Variants in TRMT10B observed in about 807,000 individuals in gnomAD.
The protein encoded by TRMT10B is tRNA methyltransferase 10 homolog B.
A neutral mutation model predicts 43.8 loss-of-function variants in TRMT10B; 33 were observed. The ratio of observed to expected loss-of-function variants is 0.75; its 90% CI spans 0.57 to 1.01. The LOEUF (loss-of-function observed/expected upper bound fraction) is 1.01, where lower values mean the gene tolerates loss of function less well. Among genes scored for constraint, TRMT10B ranks in the 50% least tolerant of loss-of-function variants. The pLI is 0.00. For synonymous variants in TRMT10B, 137 were observed against 130.6 expected, an observed-to-expected ratio of 1.05 and a Z score of -0.34; for missense variants, 362 against 369.8, an observed-to-expected ratio of 0.98 and a Z score of 0.17.
Position 37,778,164 on chromosome 9 carries a change from T to C in TRMT10B, c.*457T>C, listed in dbSNP as rs907022341. ...CAATAATGTCAGGGACCACATTTAA[T>C]GCTTTTTAATCTCCCATAGTGCCTG... On this transcript the variant is annotated 3_prime_UTR_variant, in exon 9 of 9. Coordinates refer to ENST00000297994, the MANE Select transcript of TRMT10B (RefSeq NM_144964.4). The C allele has an allele frequency of 1.1e-4, 17 of 160,350 alleles. No individual in the cohort carries two copies. Among genetic ancestry groups the C allele is most frequent in the Admixed American group, 3.1e-4 (5 of 16,216 alleles). The allele number at this position is 160,350 out of a possible 1,614,324, so 9.9% of individuals were successfully genotyped here.
chr9:37,775,818 C>T (rs1349381921), intron 7 of TRMT10B, among the ~76,000 whole-genome samples: 2 of 152,290 alleles, frequency 1.3e-5, no homozygotes, highest in East Asian at 3.9e-4. Flanking sequence ...AGGCACTTCA[C>T]CTGGCCCCTT....
intron 3 of TRMT10B, among the ~76,000 whole-genome samples, chr9:37,762,949 C>T (rs536373519): frequency 1.1e-3 from 162 of 141,094 alleles, no homozygotes; most frequent in South Asian, 5.9e-3. Context: ...CTGGATAACA[C>T]GGTGAAACCC....
At chr9:37,774,096 T>C (rs1827879501) in intron 7 of TRMT10B, among the ~76,000 whole-genome samples, 1 of 152,110 alleles carries the variant, frequency 6.6e-6, no homozygotes, top group Non-Finnish European at 1.5e-5. Flanking sequence ...CACAATCAGC[T>C]TACTCCAGGC....
chr9:37,774,939 G>A (rs12554441), intron 7 of TRMT10B, among the ~76,000 whole-genome samples: 16 of 152,114 alleles, frequency 1.1e-4, no homozygotes, highest in African/African-American at 3.4e-4. Flanking sequence ...CAGAACTGAG[G>A]CTACAATCTG....
upstream of TRMT10B, among the ~76,000 whole-genome samples, chr9:37,753,527 T>A (rs1045852343): frequency 6.6e-6 from 1 of 152,162 alleles, no homozygotes; most frequent in African/African-American, 2.4e-5. Flanking sequence ...AGTTTCGCAA[T>A]GTCCAGCCCT....
chr9:37,776,522 G>A (rs1828172338), intron 8 of TRMT10B, 117 bp downstream of exon 8: 1 of 1,269,166 alleles, frequency 7.9e-7, no homozygotes, highest in South Asian at 1.8e-5. Context: ...GGACTTTATT[G>A]CATGTACGTC....
Position 37,768,061 on chromosome 9 carries a change from C to G in TRMT10B, c.421-15C>G. On this transcript the variant is annotated splice_polypyrimidine_tract_variant and intron_variant, in intron 4 of 8. Transcript: ENST00000297994. ...TGGCATGTTTTTGCCCTGAGTTGTT[C>G]TTATTTCTTTGAAGGAATTAAGTAG... The G allele has an allele frequency of 2.5e-6, 4 of 1,612,690 alleles. No homozygotes were observed. Among genetic ancestry groups the G allele is most frequent in the African/African-American group, 1.3e-5 (1 of 74,954 alleles).
upstream of TRMT10B, among the ~76,000 whole-genome samples, chr9:37,753,018 A>G (rs1296254081): frequency 6.6e-6 from 1 of 151,906 alleles, no homozygotes; most frequent in Non-Finnish European, 1.5e-5. Context: ...ACTCGCCGTG[A>G]AGATCTGTAT....
chr9:37,763,968 T>C (rs529024731), intron 4 of TRMT10B: 3 of 763,612 alleles, frequency 3.9e-6, no homozygotes, highest in African/African-American at 3.5e-5. Context: ...TGCAAATTTT[T>C]ACCTTGTCTT....
At chr9:37,770,944 T>C (rs532929747) in intron 7 of TRMT10B, among the ~76,000 whole-genome samples, 1 of 152,374 alleles carries the variant, frequency 6.6e-6, no homozygotes, top group South Asian at 2.1e-4. Context: ...AGTCGGGAAC[T>C]GGACTGGGCA....
chr9:37,762,238 T>A, intron 2 of TRMT10B, 121 bp downstream of exon 2: 1 of 1,172,414 alleles, frequency 8.5e-7, no homozygotes, highest in Non-Finnish European at 1.2e-6. Flanking sequence ...GTATTCTGAG[T>A]GATGAATTTT....
rs1563997552 is a variant in TRMT10B, at chr9:37,768,188, A to G, written c.533A>G (p.Glu178Gly). 1.2e-6 allele frequency: 2 copies of G among 1,614,034 alleles called. No individual in the cohort carries two copies. The highest frequency in any genetic ancestry group is 1.7e-6 in the Non-Finnish European group (2 of 1,180,006). ...TTCACAACAGACAGTCCCCTTTATG[A>G]AGAGTGTGTGAGGATGAATGATGGA... ...TGFTTDSPLY[E>G]ECVRMNDGFS... Residue 178 changes from glutamate (E) to glycine (G), a missense_variant, in exon 5 of 9, where the codon GAA (glutamate) becomes GGA (glycine). Transcript: ENST00000297994.
chr9:37,759,570 C>T (rs1826105497), intron 1 of TRMT10B, among the ~76,000 whole-genome samples: 1 of 152,194 alleles, frequency 6.6e-6, no homozygotes, highest in African/African-American at 2.4e-5. Context: ...GTAATCCCAG[C>T]ACTTTGGGAG....
At chr9:37,774,337 G>A (rs1403247135) in intron 7 of TRMT10B, among the ~76,000 whole-genome samples, 1 of 152,212 alleles carries the variant, frequency 6.6e-6, no homozygotes, top group African/African-American at 2.4e-5. Context: ...AGTTCAGAGG[G>A]TCAGTGAGCA....
At chr9:37,760,937 T>G (rs192734055) in intron 1 of TRMT10B, among the ~76,000 whole-genome samples, 91 of 152,362 alleles carry the variant, frequency 6.0e-4, no homozygotes, top group Middle Eastern at 3.4e-3. Context: ...CACTTTGAAA[T>G]TGACATCATT....
intron 7 of TRMT10B, 77 bp downstream of exon 7, chr9:37,770,816 C>A: frequency 1.3e-6 from 2 of 1,496,172 alleles, no homozygotes; most frequent in Non-Finnish European, 1.8e-6. Context: ...CTGTTATAGT[C>A]TCCTCTAGAG....
intron 1 of TRMT10B, among the ~76,000 whole-genome samples, chr9:37,754,417 A>G (rs1228161861): frequency 6.6e-6 from 1 of 152,212 alleles, no homozygotes; most frequent in Non-Finnish European, 1.5e-5. Context: ...CCCGGAGTGC[A>G]GAGGAAACGA....
chr9:37,763,979 C>T, intron 4 of TRMT10B: 1 of 633,020 alleles, frequency 1.6e-6, no homozygotes, highest in South Asian at 1.9e-5. Flanking sequence ...ACCTTGTCTT[C>T]TGTTTTAAGC....
intron 7 of TRMT10B, among the ~76,000 whole-genome samples, chr9:37,773,488 AATGAATATTGATTGTATTAT>A (rs1170712966): frequency 6.6e-6 from 1 of 152,212 alleles, no homozygotes; most frequent in African/African-American, 2.4e-5. Context: ...AGATTACAGG[AATGAATATTGATTGTATTAT>A]TTTGAACTTT....
Sources: gnomAD v4.1 joint callset for allele counts (sites outside exome capture counted in the v4.1 genomes callset) on GRCh38, gnomAD v4.1.1 for gene constraint, MANE v1.5 for transcripts, NCBI Gene and HGNC (gene_info 2026-07-23, HGNC 2026-07-21) for gene names.